RSF1: variants seen among roughly 807,000 people sequenced by gnomAD.
RSF1 encodes remodeling and spacing factor 1.
In RSF1, 13 loss-of-function variants were observed where a neutral mutation model predicts 145.2. The observed-to-expected ratio is 0.09, with a 90% CI of 0.06 to 0.14. RSF1 has a LOEUF of 0.14. Ranked by LOEUF, RSF1 falls within the 10% of genes least tolerant of loss-of-function variation. The probability of loss-of-function intolerance (pLI) is 1.00; values close to 1 mark genes in which losing one functional copy is unlikely to be tolerated. For synonymous variants in RSF1, 577 were observed against 592.6 expected, an observed-to-expected ratio of 0.97 and a Z score of 0.38; for missense variants, 1,517 against 1,718.2, an observed-to-expected ratio of 0.88 and a Z score of 2.07.
In RSF1 at chr11:77,698,671, C is replaced by T. The variant is rs111405457; in HGVS notation, c.2531G>A (p.Arg844Gln). 27 of 1,613,886 alleles carry T rather than the reference C, an allele frequency of 1.7e-5. No homozygotes were observed. The highest frequency in any genetic ancestry group is 1.3e-4 in the East Asian group (6 of 44,888). Residue 844 changes from arginine to glutamine, a missense_variant, in exon 7 of 16, where the codon CGA becomes CAA. Coordinates refer to ENST00000308488, the MANE Select transcript of RSF1 (RefSeq NM_016578.4). ...VSKVKPKGKV[R>Q]WTGSRTRGRW... The stretch of plus-strand genomic sequence containing the variant: ...GCCACGTGTCCGAGAACCAGTCCAT[C>T]GAACTTTGCCTTTGGGTTTTACCTT...
chr11:77,742,281 TTTTC>T (rs1361841360), intron 3 of RSF1, among the ~76,000 whole-genome samples: 1 of 152,138 alleles, frequency 6.6e-6, no homozygotes, highest in Admixed American at 6.5e-5. Context: ...AAGGGTTCCC[TTTTC>T]TTTTTTCTTT....
At chr11:77,838,615 C>CTT in the RSF1 span, among the ~76,000 whole-genome samples, 1,517 of 129,302 alleles carry the variant, frequency 0.012, 47 homozygotes, top group African/African-American at 0.039. Context: ...ATACAAGTAC[C>CTT]TTTTTTTTTT....
the RSF1 span, chr11:77,869,199 G>T: frequency 4.6e-6 from 1 of 216,402 alleles, no homozygotes; most frequent in South Asian, 9.1e-5. Flanking sequence ...TTGTCATTTT[G>T]GCAAATTACT....
the RSF1 span, among the ~76,000 whole-genome samples, chr11:77,829,318 T>A: frequency 1.3e-5 from 2 of 152,206 alleles, no homozygotes; most frequent in South Asian, 4.1e-4. Context: ...ATCTTGGATA[T>A]GCCAGCTCCA....
intron 8 of RSF1, among the ~76,000 whole-genome samples, chr11:77,692,009 G>T (rs1438782729): frequency 6.6e-6 from 1 of 152,126 alleles, no homozygotes; most frequent in Non-Finnish European, 1.5e-5. Flanking sequence ...TGGTGCCTCA[G>T]TTTTCTAAGT....
chr11:77,793,303 G>A (rs1948539020), intron 1 of RSF1, among the ~76,000 whole-genome samples: 1 of 151,984 alleles, frequency 6.6e-6, no homozygotes, highest in Admixed American at 6.6e-5. Flanking sequence ...TACATAGCAA[G>A]CCCTCATCTC....
intron 1 of RSF1, chr11:77,813,758 C>G (rs963509317): frequency 3.3e-5 from 10 of 299,142 alleles, no homozygotes; most frequent in African/African-American, 2.2e-4. Flanking sequence ...CTGCGGATCA[C>G]AGAGCCGCAG....
chr11:77,725,743 G>A (rs1280716434), intron 4 of RSF1, 44 bp from the exon 5 acceptor site: 2 of 1,451,038 alleles, frequency 1.4e-6, no homozygotes, highest in South Asian at 1.6e-5. Context: ...CCTTTTTCCT[G>A]TTCTAGAGAA....
intron 5 of RSF1, among the ~76,000 whole-genome samples, chr11:77,715,180 T>C (rs1176087818): frequency 6.6e-6 from 1 of 152,142 alleles, no homozygotes; most frequent in East Asian, 1.9e-4. Context: ...ATTATTTAAG[T>C]TCTTTAAAAA....
chr11:77,701,003 C>T lies in RSF1; in HGVS notation c.2226G>A (p.Arg742=). ...TGGGGGGAGAATCGGGCTTCTTTTT[C>T]CGACTTGATATCCTGATTGTTAATT... is the stretch of plus-strand genomic sequence containing the variant. ...GIKLTIRISS[R]KKKPDSPPKV... The change falls in exon 6 of 16, where the codon CGG becomes CGA. Residue 742 remains arginine (R), a synonymous_variant. Transcript: ENST00000308488. 2 of 1,613,620 alleles carry T rather than the reference C, an allele frequency of 1.2e-6. No individual in the cohort carries two copies. Among genetic ancestry groups the T allele is most frequent in the African/African-American group, 2.7e-5 (2 of 75,022 alleles).
chr11:77,792,446 C>T (rs546018751), intron 1 of RSF1, among the ~76,000 whole-genome samples: 2 of 152,206 alleles, frequency 1.3e-5, no homozygotes, highest in East Asian at 3.9e-4. Context: ...CTGTACCTGG[C>T]TAACACTGGT....
At chr11:77,766,315 C>G (rs1430058534) in intron 1 of RSF1, among the ~76,000 whole-genome samples, 1 of 152,112 alleles carries the variant, frequency 6.6e-6, no homozygotes, top group Non-Finnish European at 1.5e-5. Flanking sequence ...GAAATGATGA[C>G]CTAATATTTT....
At chr11:77,775,015 TC>T (rs574358671) in intron 1 of RSF1, among the ~76,000 whole-genome samples, 112 of 151,396 alleles carry the variant, frequency 7.4e-4, no homozygotes, top group African/African-American at 2.7e-3. Context: ...TCTGCCCAAC[TC>T]AGCCTCCCAA....
chr11:77,672,032 T>A lies in RSF1; in HGVS notation c.3751+10A>T. 1 of 1,605,946 alleles carries A rather than the reference T, an allele frequency of 6.2e-7. No individual in the cohort carries two copies. Among genetic ancestry groups the A allele is most frequent in the Non-Finnish European group, 8.5e-7 (1 of 1,177,596 alleles). ...TCCAAACTTCTATATATAGGAGACC[T>A]ATGCCTTACCTTCACTCTCTGAGCT... is the stretch of plus-strand genomic sequence containing the variant. On this transcript the variant is annotated intron_variant, in intron 15 of 15. Transcript: ENST00000308488.
chr11:77,710,088 G>A (rs189399163), intron 5 of RSF1, among the ~76,000 whole-genome samples: 27 of 152,094 alleles, frequency 1.8e-4, no homozygotes, highest in African/African-American at 5.8e-4. Flanking sequence ...CCCCAAGAGA[G>A]CTATACATGC....
intron 12 of RSF1, among the ~76,000 whole-genome samples, chr11:77,677,758 T>C (rs1959746756): frequency 6.6e-6 from 1 of 152,234 alleles, no homozygotes; most frequent in Admixed American, 6.5e-5. Context: ...TCCATAATTT[T>C]TGAGACTTTG....
At chr11:77,721,972 A>C (rs1292786034) in intron 5 of RSF1, among the ~76,000 whole-genome samples, 1 of 152,198 alleles carries the variant, frequency 6.6e-6, no homozygotes, top group Non-Finnish European at 1.5e-5. Context: ...CAGGAGTTCG[A>C]GACCAGCCTG....
chr11:77,725,775 A>C, intron 4 of RSF1, 76 bp from the exon 5 acceptor site: 9 of 1,146,446 alleles, frequency 7.9e-6, no homozygotes, highest in Non-Finnish European at 9.3e-6. Flanking sequence ...ATACCAATAG[A>C]AATTAAAATA....
chr11:77,858,985 T>C, the RSF1 span, among the ~76,000 whole-genome samples: 11 of 152,352 alleles, frequency 7.2e-5, no homozygotes, highest in Non-Finnish European at 1.3e-4. Context: ...GACTATCTGC[T>C]TGATAGTTTT....
Sources: allele counts gnomAD v4.1 joint callset (sites outside exome capture counted in the v4.1 genomes callset), GRCh38; gene constraint gnomAD v4.1.1; transcripts MANE v1.5; gene names NCBI Gene and HGNC (gene_info 2026-07-23, HGNC 2026-07-21).